Variants in NUBPL observed in about 807,000 individuals in gnomAD.
NUBPL encodes the protein iron-sulfur cluster transfer protein NUBPL.
In NUBPL, 31 loss-of-function variants were observed where a neutral mutation model predicts 45.7. The ratio of observed to expected loss-of-function variants is 0.68; its 90% CI spans 0.51 to 0.92. The LOEUF (loss-of-function observed/expected upper bound fraction) is 0.92. NUBPL is among the 40% of genes least tolerant of loss of function. NUBPL has a pLI of 0.00. For missense variants in NUBPL, 401 were observed against 398.7 expected (o/e 1.01, Z -0.05); for synonymous variants, 144 against 140.9 (o/e 1.02, Z -0.15).
intron 6 of NUBPL, among the ~76,000 whole-genome samples, chr14:31,674,208 A>G (rs2036639211): frequency 6.6e-6 from 1 of 152,206 alleles, no homozygotes; most frequent in Non-Finnish European, 1.5e-5. Context: ...TCTTCTAGGT[A>G]AAAGTTAAAA....
intron 4 of NUBPL, among the ~76,000 whole-genome samples, chr14:31,659,789 C>T (rs975267674): frequency 6.6e-6 from 1 of 152,136 alleles, no homozygotes; most frequent in Non-Finnish European, 1.5e-5. Context: ...ATGTGATCTA[C>T]TTGAGCCAGA....
At chr14:31,607,209 C>T (rs2034625464) in intron 4 of NUBPL, among the ~76,000 whole-genome samples, 1 of 151,964 alleles carries the variant, frequency 6.6e-6, no homozygotes, top group Non-Finnish European at 1.5e-5. Flanking sequence ...GGTGAAACCC[C>T]ATCTCTACTA....
chr14:31,822,108 A>C (rs2040027417), intron 7 of NUBPL, among the ~76,000 whole-genome samples: 1 of 152,144 alleles, frequency 6.6e-6, no homozygotes, highest in African/African-American at 2.4e-5. Context: ...AGAATGAATA[A>C]GACCTAGTAT....
intron 7 of NUBPL, among the ~76,000 whole-genome samples, chr14:31,817,000 G>A (rs1055981877): frequency 6.6e-6 from 1 of 151,962 alleles, no homozygotes; most frequent in Non-Finnish European, 1.5e-5. Context: ...ACCTGATGGA[G>A]CTGAAAAGCA....
At chr14:31,848,993 T>C (rs2040497157) in intron 9 of NUBPL, among the ~76,000 whole-genome samples, 1 of 152,178 alleles carries the variant, frequency 6.6e-6, no homozygotes, top group African/African-American at 2.4e-5. Flanking sequence ...TAGTCCGAAG[T>C]TGATCTAGAG....
intron 6 of NUBPL, among the ~76,000 whole-genome samples, chr14:31,756,845 G>A (rs1472739174): frequency 1.3e-5 from 2 of 151,270 alleles, no homozygotes; most frequent in African/African-American, 2.4e-5. Flanking sequence ...GTTTGTCATA[G>A]ATAGCTCTTA....
chr14:31,585,396 A>T (rs758918872), intron 3 of NUBPL, among the ~76,000 whole-genome samples: 9 of 152,212 alleles, frequency 5.9e-5, no homozygotes, highest in Non-Finnish European at 1.2e-4. Flanking sequence ...TTTATTGCTG[A>T]ATAATATTCC....
At chr14:31,840,990 GT>G (rs1313214869) in intron 8 of NUBPL, among the ~76,000 whole-genome samples, 2 of 152,144 alleles carry the variant, frequency 1.3e-5, no homozygotes, top group East Asian at 3.8e-4. Context: ...TTAAAATTAT[GT>G]TTGTGAGATT....
At chr14:31,604,093 A>G (rs1421185200) in intron 4 of NUBPL, among the ~76,000 whole-genome samples, 1 of 151,638 alleles carries the variant, frequency 6.6e-6, no homozygotes, top group Non-Finnish European at 1.5e-5. Context: ...TACTGAAGCT[A>G]TAATCTTAAA....
chr14:31,584,839 A>C (rs1174427241), intron 3 of NUBPL, among the ~76,000 whole-genome samples: 1 of 152,158 alleles, frequency 6.6e-6, no homozygotes, highest in Non-Finnish European at 1.5e-5. Context: ...CCTGCTTCCT[A>C]GTTTGCAGAT....
intron 4 of NUBPL, among the ~76,000 whole-genome samples, chr14:31,646,947 G>A (rs1411514049): frequency 6.6e-6 from 1 of 151,518 alleles, no homozygotes; most frequent in African/African-American, 2.4e-5. Flanking sequence ...TTGTTTTTGA[G>A]CTTACTGATT....
At chr14:31,802,564 C>T (rs2039613161) in intron 7 of NUBPL, among the ~76,000 whole-genome samples, 1 of 152,222 alleles carries the variant, frequency 6.6e-6, no homozygotes, top group South Asian at 2.1e-4. Context: ...GCGTGAGCCA[C>T]CGTACCTGGC....
Position 31,751,705 on chromosome 14 carries a change from T to C in NUBPL, c.514-36075T>C, listed in dbSNP as rs182517246. Among the ~76,000 whole-genome samples, 6 of 152,326 alleles carry C rather than the reference T, an allele frequency of 3.9e-5. 1 individual carries two copies. Among genetic ancestry groups the C allele is most frequent in the Admixed American group, 3.3e-4 (5 of 15,308 alleles). ...ATCTACCATGCTGGGGTCTGGAGAA[T>C]AGTGGCCCTCTTCTCCCAGCTCCAC... On this transcript the variant is annotated intron_variant, in intron 6 of 10. Transcript: ENST00000281081.
chr14:31,780,949 A>G (rs576086988), intron 6 of NUBPL, among the ~76,000 whole-genome samples: 167 of 152,364 alleles, frequency 1.1e-3, no homozygotes, highest in African/African-American at 3.5e-3. Context: ...TCCTTATTTG[A>G]CAGTGCTTCC....
chr14:31,593,130 A>G (rs1331574666), intron 3 of NUBPL, among the ~76,000 whole-genome samples: 1 of 152,220 alleles, frequency 6.6e-6, no homozygotes, highest in East Asian at 1.9e-4. Context: ...TTTATATTAT[A>G]TTTGGTATTA....
chr14:31,778,608 G>C (rs1166458913), intron 6 of NUBPL, among the ~76,000 whole-genome samples: 1 of 152,208 alleles, frequency 6.6e-6, no homozygotes, highest in Non-Finnish European at 1.5e-5. Context: ...AGACTTCCCA[G>C]GTTGATATAA....
chr14:31,715,177 G>C (rs988525558), intron 6 of NUBPL, among the ~76,000 whole-genome samples: 2 of 152,106 alleles, frequency 1.3e-5, no homozygotes, highest in Non-Finnish European at 2.9e-5. Flanking sequence ...TCTACTGATC[G>C]TAAAGTTTCC....
At chr14:31,851,267 G>T in intron 10 of NUBPL, among the ~76,000 whole-genome samples, 1 of 146,944 alleles carries the variant, frequency 6.8e-6, no homozygotes. Flanking sequence ...CTTAACTAAT[G>T]GGTATAGCTT....
intron 6 of NUBPL, among the ~76,000 whole-genome samples, chr14:31,729,277 C>CCCCCG: frequency 1.9e-5 from 1 of 53,906 alleles, no homozygotes; most frequent in East Asian, 9.1e-4. Flanking sequence ...ATGCTCCATC[C>CCCCCG]CCCCCCCCCC....
Sources: allele counts gnomAD v4.1 joint callset (sites outside exome capture counted in the v4.1 genomes callset), GRCh38; gene constraint gnomAD v4.1.1; transcripts MANE v1.5; gene names NCBI Gene and HGNC (gene_info 2026-07-23, HGNC 2026-07-21).